The following BICRAL variants were observed in gnomAD, a reference collection of about 807,000 sequenced individuals.
BICRAL encodes the protein BRD4-interacting chromatin-remodeling complex-associated protein-like.
BICRAL carries 8 observed loss-of-function variants against 91.8 expected under a neutral mutation model. The ratio of observed to expected loss-of-function variants is 0.09; its 90% confidence interval spans 0.05 to 0.16. The LOEUF (loss-of-function observed/expected upper bound fraction) is 0.16. Among genes scored for constraint, BICRAL ranks in the 10% least tolerant of loss-of-function variants. The pLI is 1.00. For missense variants in BICRAL, 1,038 were observed against 1,310.9 expected, an observed-to-expected ratio of 0.79 and a Z score of 3.21; for synonymous variants, 445 against 491.1, an observed-to-expected ratio of 0.91 and a Z score of 1.24.
At chr6:42,826,535 T>C (rs1435189689) in intron 5 of BICRAL, among the ~76,000 whole-genome samples, 3 of 151,508 alleles carry the variant, frequency 2.0e-5, no homozygotes, top group Non-Finnish European at 2.9e-5. Context: ...GTGCCCAGCC[T>C]CCATGTTCTT....
At chr6:42,751,561 C>G (rs2152019139) in intron 1 of BICRAL, among the ~76,000 whole-genome samples, 1 of 152,012 alleles carries the variant, frequency 6.6e-6, no homozygotes, top group East Asian at 1.9e-4. Flanking sequence ...GGAATAGGCC[C>G]TTCGGTGTTC....
chr6:42,785,109 T>C (rs917529469), intron 1 of BICRAL, among the ~76,000 whole-genome samples: 3 of 152,228 alleles, frequency 2.0e-5, no homozygotes, highest in East Asian at 1.9e-4. Context: ...ATCGAAATTA[T>C]TTCCTCAGAG....
At chr6:42,783,160 G>A (rs1762979467) in intron 1 of BICRAL, among the ~76,000 whole-genome samples, 1 of 150,190 alleles carries the variant, frequency 6.7e-6, no homozygotes, top group Non-Finnish European at 1.5e-5. Context: ...CGAGCCCGCG[G>A]CGGCGGCGCG....
At chr6:42,757,244 G>T (rs185645755) in intron 1 of BICRAL, among the ~76,000 whole-genome samples, 1 of 143,598 alleles carries the variant, frequency 7.0e-6, no homozygotes, top group East Asian at 2.0e-4. Flanking sequence ...TATATAAATA[G>T]TTTTTTTTTA....
intron 5 of BICRAL, among the ~76,000 whole-genome samples, chr6:42,827,446 T>C (rs1011688049): frequency 6.6e-6 from 1 of 152,264 alleles, no homozygotes; most frequent in African/African-American, 2.4e-5. Context: ...ATACTTGGCC[T>C]ATCCCTCAAC....
chr6:42,836,959 T>C (rs1764656333), intron 6 of BICRAL, among the ~76,000 whole-genome samples: 1 of 149,582 alleles, frequency 6.7e-6, no homozygotes, highest in Non-Finnish European at 1.5e-5. Context: ...TTCTTTTTTT[T>C]TTTGAGATGG....
intron 6 of BICRAL, 73 bp from the exon 7 acceptor site, chr6:42,852,019 G>A: frequency 1.1e-6 from 1 of 896,398 alleles, no homozygotes; most frequent in Non-Finnish European, 1.8e-6. Context: ...GAAGAGGCTT[G>A]GTTGGTATTT....
chr6:42,863,555 A>G (rs945918876), intron 12 of BICRAL, among the ~76,000 whole-genome samples: 4 of 152,176 alleles, frequency 2.6e-5, no homozygotes, highest in African/African-American at 9.6e-5. Flanking sequence ...ACAAGTAGCT[A>G]TCTTCACCCG....
At position 42,855,958 on chromosome 6, in the gene BICRAL, T is replaced by C. The variant is rs769430752; in HGVS notation, c.2108+41T>C. The stretch of plus-strand genomic sequence containing the variant: ...AAATGACAAATCAATTCTGAACACT[T>C]CTTTGGGTCCCTAGCCTTCAATAAA... On this transcript the variant is annotated intron_variant, in intron 9 of 12. Coordinates refer to ENST00000314073, the MANE Select transcript of BICRAL (RefSeq NM_001393499.1). 3 of 1,461,966 alleles carry C rather than the reference T, an allele frequency of 2.1e-6. No homozygotes were observed. The South Asian group carries it at 3.4e-5, about 17-fold the overall frequency. The allele number at this position is 1,461,966 out of a possible 1,614,324, so 90.6% of individuals were successfully genotyped here. A position where few individuals can be genotyped will look rare whatever the true frequency, so the allele number is the denominator to read the frequency against.
chr6:42,828,585 T>G lies in BICRAL; in HGVS notation c.252T>G (p.Phe84Leu). 6.2e-7 allele frequency: 1 copy of G among 1,614,132 alleles called. No homozygotes were observed. Among genetic ancestry groups the G allele is most frequent in the Non-Finnish European group, 8.5e-7 (1 of 1,179,992 alleles). Residue 84 changes from phenylalanine (F) to leucine (L), a missense_variant, in exon 6 of 13, where the codon TTT becomes TTG. Around this residue, in one of 5 missense-constraint regions of BICRAL, gnomAD observed 115 missense variants for 121.5 expected, o/e 0.95. Transcript: ENST00000314073. ...TGCCACTTTCAAGTAGCCTCCAGTT[T>G]CTTGAAGATGAACTCGAGTCTTCTC... Reference protein sequence around the residue: ...DGLPLSSSLQFLEDELESSPL... With the variant: ...DGLPLSSSLQLLEDELESSPL...
chr6:42,839,381 C>T lies in BICRAL; in HGVS notation c.1839+9209C>T, dbSNP rs902190729. On this transcript the variant is annotated intron_variant, in intron 6 of 12. Transcript: ENST00000314073. The stretch of plus-strand genomic sequence containing the variant: ...GCTGGCTCTAACTCCTGGGGTCAAG[C>T]GATCTTCCCACCTCAGCCTCCCAAA... Among the ~76,000 whole-genome samples, 7 of 152,048 alleles carry T rather than the reference C, an allele frequency of 4.6e-5. No homozygotes were observed. The East Asian group carries it at 1.4e-3, about 29-fold the overall frequency.
chr6:42,813,667 C>T (rs557627185), intron 2 of BICRAL, among the ~76,000 whole-genome samples: 20 of 152,078 alleles, frequency 1.3e-4, no homozygotes, highest in Admixed American at 2.6e-4. Context: ...ATTACAGGTG[C>T]GCACCACCAT....
chr6:42,760,359 T>TAAA (rs59668032), intron 1 of BICRAL, among the ~76,000 whole-genome samples: 5 of 125,956 alleles, frequency 4.0e-5, no homozygotes, highest in Admixed American at 8.1e-5. Flanking sequence ...TCTCTACTAC[T>TAAA]AAAAAAAAAA....
chr6:42,826,173 C>A (rs893013510), intron 5 of BICRAL, among the ~76,000 whole-genome samples: 1 of 151,502 alleles, frequency 6.6e-6, no homozygotes, highest in Non-Finnish European at 1.5e-5. Flanking sequence ...TAGTACACAG[C>A]CATGAGTTGC....
At chr6:42,794,784 A>C (rs1763373416) in intron 1 of BICRAL, among the ~76,000 whole-genome samples, 1 of 134,208 alleles carries the variant, frequency 7.5e-6, no homozygotes, top group South Asian at 2.8e-4. Context: ...CCCCCTCTCT[A>C]CTAAAAATAC....
chr6:42,758,712 C>CA (rs71758339), intron 1 of BICRAL, among the ~76,000 whole-genome samples: 32,187 of 103,386 alleles, frequency 0.31, 4,023 homozygotes, highest in Non-Finnish European at 0.39. Flanking sequence ...TCGGGGGGTC[C>CA]AAAAAAAAAA....
At position 42,828,499 on chromosome 6, in the gene BICRAL, G is replaced by T; in HGVS notation, c.166G>T (p.Asp56Tyr). Residue 56 changes from aspartate to tyrosine, a missense_variant, in exon 6 of 13, where the codon GAT (aspartate) becomes TAT (tyrosine). Coordinates refer to ENST00000314073, the MANE Select transcript of BICRAL (RefSeq NM_001393499.1). ...NSIFANSSNA[D>Y]PKSSLKGVSN... ...ATACTGTTTATTTTTTTAGAATGCTGATCCTAAGTCATCCCTCAAAGGTGT... is the reference window on the plus strand; with the variant it reads ...ATACTGTTTATTTTTTTAGAATGCTTATCCTAAGTCATCCCTCAAAGGTGT... 6.2e-7 allele frequency: 1 copy of T among 1,608,884 alleles called. No individual in the cohort carries two copies. Among genetic ancestry groups the T allele is most frequent in the Non-Finnish European group, 8.5e-7 (1 of 1,177,942 alleles).
In BICRAL at chr6:42,855,906, G is replaced by T. The variant is rs138903943; in HGVS notation, c.2097G>T (p.Thr699=). ...GQKRPAAKQL[T]KGAFILQQLQ... is the part of the protein sequence containing the mutation. ...AAAGGCCTGCTGCGAAACAGCTAAC[G>T]AAAGGAGCTTTGTGAGTTACTCTCG... Residue 699 remains threonine, a synonymous_variant, in exon 9 of 13, where the codon ACG becomes ACT. Transcript: ENST00000314073. 1.2e-6 allele frequency: 2 copies of T among 1,613,308 alleles called. No homozygotes were observed. The highest frequency in any genetic ancestry group is 1.7e-6 in the Non-Finnish European group (2 of 1,179,298).
In BICRAL at chr6:42,774,765, G is replaced by C. The variant is rs151253556; in HGVS notation, c.-260-7074G>C. Among the ~76,000 whole-genome samples, 35 of 152,154 alleles carry C rather than the reference G, an allele frequency of 2.3e-4. No homozygotes were observed. The East Asian group carries it at 6.6e-3, about 29-fold the overall frequency. On this transcript the variant is annotated intron_variant, in intron 1 of 14. Coordinates refer to the BICRAL transcript ENST00000614467. ...TAATCAGGCTCTAAAAAGTGCTCAA[G>C]TAAGAATGTGGCTCTTTAGTGATCA...
Sources: gnomAD v4.1 joint callset for allele counts (sites outside exome capture counted in the v4.1 genomes callset) on GRCh38, gnomAD v4.1.1 for gene constraint, gnomAD v4.1.1 regional missense constraint, MANE v1.5 for transcripts, NCBI Gene and HGNC (gene_info 2026-07-23, HGNC 2026-07-21) for gene names.